Variants in RBPJ observed in about 807,000 individuals in gnomAD.
RBPJ encodes recombination signal binding protein for immunoglobulin kappa J region.
RBPJ carries 9 observed loss-of-function variants against 67.8 expected under a neutral mutation model. The observed-to-expected ratio is 0.13, with a 90% CI of 0.08 to 0.23. The LOEUF is 0.23. Ranked by LOEUF, RBPJ falls within the 10% of genes least tolerant of loss-of-function variation. The probability of loss-of-function intolerance (pLI) is 1.00; values close to 1 mark genes in which losing one functional copy is unlikely to be tolerated. For missense variants in RBPJ, 305 were observed against 595.6 expected, an observed-to-expected ratio of 0.51 and a Z score of 5.08; for synonymous variants, 198 against 203.3, an observed-to-expected ratio of 0.97 and a Z score of 0.22.
chr4:26,214,998 GGGAAGGAA>G (rs1204609052), intron 1 of RBPJ, among the ~76,000 whole-genome samples: 2 of 32,118 alleles, frequency 6.2e-5, no homozygotes, highest in African/African-American at 3.3e-4. Flanking sequence ...GAGGGAGGGA[GGGAAGGAA>G]GGAAGGAGAG....
intron 5 of RBPJ, among the ~76,000 whole-genome samples, chr4:26,422,861 A>G (rs1450480263): frequency 6.6e-6 from 1 of 152,180 alleles, no homozygotes; most frequent in Non-Finnish European, 1.5e-5. Flanking sequence ...TGCATATCCA[A>G]TCAGTGTTCA....
the RBPJ span, among the ~76,000 whole-genome samples, chr4:26,149,064 G>T: frequency 6.6e-6 from 1 of 152,198 alleles, no homozygotes; most frequent in African/African-American, 2.4e-5. Context: ...TTCCCTCACT[G>T]GCCCTGCCAT....
At chr4:26,123,747 G>T in the RBPJ span, among the ~76,000 whole-genome samples, 529 of 151,956 alleles carry the variant, frequency 3.5e-3, 2 homozygotes, top group African/African-American at 0.012. Context: ...TAAAAACGAA[G>T]ACACAAACAC....
chr4:26,325,787 C>T (rs1340359912), intron 1 of RBPJ, among the ~76,000 whole-genome samples: 1 of 152,156 alleles, frequency 6.6e-6, no homozygotes, highest in African/African-American at 2.4e-5. Context: ...ATGAGCCCAG[C>T]AGTTTAATGC....
In RBPJ at chr4:26,431,867, TGA is replaced by T. The variant is rs1428740044; in HGVS notation, c.*864_*865del. The T allele has an allele frequency of 6.6e-6, 1 of 152,224 alleles. No individual in the cohort carries two copies. The highest frequency in any genetic ancestry group is 1.5e-5 in the Non-Finnish European group (1 of 68,040). The allele number at this position is 152,224 out of a possible 1,614,324, so 9.4% of individuals were successfully genotyped here. ...AAAATATGGACTTATTGTGGTTATC[TGA>T]GAGGTTCTAACATTCACATGCAATT... On this transcript the variant is annotated 3_prime_UTR_variant, in exon 11 of 11. Transcript: ENST00000355476.
chr4:26,170,374 C>T (rs1716525932), intron 1 of RBPJ, among the ~76,000 whole-genome samples: 1 of 151,928 alleles, frequency 6.6e-6, no homozygotes, highest in Admixed American at 6.6e-5. Flanking sequence ...AACTCTGTCT[C>T]TACAAAAAAT....
At chr4:26,367,264 C>G (rs1728731740) in intron 1 of RBPJ, among the ~76,000 whole-genome samples, 1 of 152,166 alleles carries the variant, frequency 6.6e-6, no homozygotes, top group African/African-American at 2.4e-5. Context: ...GGGCAGACCA[C>G]CTGGGGTCAG....
chr4:26,333,965 C>G (rs1366315873), intron 1 of RBPJ, among the ~76,000 whole-genome samples: 1 of 152,130 alleles, frequency 6.6e-6, no homozygotes, highest in Non-Finnish European at 1.5e-5. Flanking sequence ...CTGTACATGG[C>G]TCGGACATAA....
intron 2 of RBPJ, among the ~76,000 whole-genome samples, 161 bp from the exon 3 acceptor site, chr4:26,406,014 A>G (rs912770507): frequency 1.3e-5 from 2 of 152,280 alleles, no homozygotes; most frequent in African/African-American, 4.8e-5. Context: ...TAATCTTCCA[A>G]TTTAATTTAT....
the RBPJ span, among the ~76,000 whole-genome samples, chr4:26,138,365 G>A: frequency 9.8e-6 from 1 of 101,626 alleles, no homozygotes. Context: ...GGCCTCTCTG[G>A]CACTAGAGAA....
intron 1 of RBPJ, among the ~76,000 whole-genome samples, chr4:26,247,477 CT>C (rs1440968167): frequency 6.6e-6 from 1 of 152,048 alleles, no homozygotes; most frequent in Non-Finnish European, 1.5e-5. Context: ...ATGTCACGAT[CT>C]TGGCTCACTA....
At chr4:26,337,532 T>C (rs1724984927) in intron 1 of RBPJ, among the ~76,000 whole-genome samples, 1 of 152,132 alleles carries the variant, frequency 6.6e-6, no homozygotes, top group South Asian at 2.1e-4. Context: ...TCCAACTTTT[T>C]TTTTTTTTTA....
intron 1 of RBPJ, among the ~76,000 whole-genome samples, chr4:26,244,199 CTA>C (rs1309298592): frequency 9.5e-6 from 1 of 104,952 alleles, no homozygotes; most frequent in African/African-American, 3.4e-5. Flanking sequence ...ATATATGTGT[CTA>C]TATATGTATA....
At chr4:26,383,220 A>C (rs549254433) in intron 1 of RBPJ, among the ~76,000 whole-genome samples, 1 of 152,308 alleles carries the variant, frequency 6.6e-6, no homozygotes, top group Non-Finnish European at 1.5e-5. Flanking sequence ...ACTTGATCTA[A>C]TGGGCATTTC....
chr4:26,411,665 C>A (rs1241258593), intron 3 of RBPJ, among the ~76,000 whole-genome samples: 1 of 151,522 alleles, frequency 6.6e-6, no homozygotes, highest in Non-Finnish European at 1.5e-5. Flanking sequence ...CAAGATAGAA[C>A]CTTGGTCAGT....
At chr4:26,308,821 G>A (rs1201986035) in intron 1 of RBPJ, among the ~76,000 whole-genome samples, 1 of 152,096 alleles carries the variant, frequency 6.6e-6, no homozygotes, top group African/African-American at 2.4e-5. Flanking sequence ...AAACCTTTCT[G>A]GTAGGCTTTC....
intron 1 of RBPJ, among the ~76,000 whole-genome samples, chr4:26,238,117 A>G (rs576908220): frequency 1.3e-5 from 2 of 152,366 alleles, no homozygotes; most frequent in East Asian, 3.9e-4. Flanking sequence ...GCTGGAATAC[A>G]GTGACACAAT....
chr4:26,430,856 G>A lies in RBPJ; in HGVS notation c.1313G>A (p.Arg438Gln), dbSNP rs1244586295. The A allele has an allele frequency of 3.1e-6, 5 of 1,613,806 alleles. No individual in the cohort carries two copies. Among genetic ancestry groups the A allele is most frequent in the African/African-American group, 1.3e-5 (1 of 74,810 alleles). The change falls in exon 11 of 11, where the codon CGG becomes CAG. Residue 438 changes from arginine (R) to glutamine (Q), a missense_variant. Transcript: ENST00000355476. This position sits in a 1 kb window ranked among gnomAD's most constrained non-coding sequence, Gnocchi z 4.1. The stretch of plus-strand genomic sequence containing the variant: ...ACCTACACACCAGAACCAGGGCCGC[G>A]GCCACATTGCAGTGCAGCAGGAGCA... Reference protein sequence around the residue: ...TFTYTPEPGPRPHCSAAGAIL... With the variant: ...TFTYTPEPGPQPHCSAAGAIL...
intron 1 of RBPJ, among the ~76,000 whole-genome samples, chr4:26,185,342 T>C (rs1245161125): frequency 1.3e-5 from 2 of 152,096 alleles, no homozygotes; most frequent in Non-Finnish European, 2.9e-5. Flanking sequence ...TAATGGAAGT[T>C]ATTTGGAAGA....
Sources: gnomAD v4.1 joint callset for allele counts (sites outside exome capture counted in the v4.1 genomes callset) on GRCh38, gnomAD v4.1.1 for gene constraint, Gnocchi (gnomAD v3.1) non-coding constraint, MANE v1.5 for transcripts, NCBI Gene and HGNC (gene_info 2026-07-23, HGNC 2026-07-21) for gene names.